PRDM10: variants seen among roughly 807,000 people sequenced by gnomAD.
PRDM10 encodes PR/SET domain 10.
Under a neutral mutation model 133.1 loss-of-function variants are expected in PRDM10, and 65 were observed. The ratio of observed to expected loss-of-function variants is 0.49; its 90% CI spans 0.40 to 0.60. The LOEUF (loss-of-function observed/expected upper bound fraction) is 0.60. Ranked by LOEUF, PRDM10 falls within the 20% of genes least tolerant of loss-of-function variation. The probability of loss-of-function intolerance (pLI) is 0.00; values close to 1 mark genes in which losing one functional copy is unlikely to be tolerated. For missense variants in PRDM10, 1,137 were observed against 1,507.1 expected (o/e 0.75, Z 4.07); for synonymous variants, 582 against 580.4 (o/e 1.00, Z -0.04).
rs781700899 is a variant in PRDM10 at position 129,918,630 on chromosome 11, G to A, written c.2123C>T (p.Thr708Met). 3 of 1,614,086 alleles carry A rather than the reference G, an allele frequency of 1.9e-6. No homozygotes were observed. Among genetic ancestry groups the A allele is most frequent in the African/African-American group, 1.3e-5 (1 of 74,940 alleles). ...TGTGGACGTGATGCGGGGCTTGAAC[G>A]TCTTGGAGCGGCTGATGCGGTCGGC... ...KKADRISRSKTFKPRITSTDY... is the reference protein window; with the variant it reads ...KKADRISRSKMFKPRITSTDY... The change falls in exon 14 of 21, where the codon ACG becomes ATG. Residue 708 changes from threonine (T) to methionine (M), a missense_variant. Thr to Met is a moderately conservative substitution (Grantham distance 81). This residue lies in a region of PRDM10 where 78 missense variants were observed against 96.4 expected (regional missense o/e 0.81). Coordinates refer to ENST00000360871, the MANE Select transcript of PRDM10 (RefSeq NM_199437.2). This position sits in a 1 kb window ranked among gnomAD's most constrained non-coding sequence, Gnocchi z 5.3.
intron 6 of PRDM10, among the ~76,000 whole-genome samples, chr11:129,944,547 T>C (rs376731522): frequency 6.1e-5 from 9 of 148,574 alleles, no homozygotes; most frequent in East Asian, 2.0e-4. Context: ...ATCGCGCCAC[T>C]GCACTCCAGC....
intron 11 of PRDM10, among the ~76,000 whole-genome samples, chr11:129,930,515 G>A (rs1196030160): frequency 4.6e-5 from 7 of 152,134 alleles, no homozygotes; most frequent in African/African-American, 1.7e-4. Flanking sequence ...CAAGCTATCC[G>A]CAGGTGTGTG....
intron 2 of PRDM10, 29 bp downstream of exon 2, chr11:129,960,867 A>G: frequency 1.2e-6 from 2 of 1,613,284 alleles, no homozygotes; most frequent in Admixed American, 1.7e-5. Context: ...AAACCTCTCA[A>G]TACCAAGCTG....
chr11:129,902,185 G>A lies in PRDM10; in HGVS notation c.*128C>T. The A allele has an allele frequency of 9.8e-6, 13 of 1,326,346 alleles. No individual in the cohort carries two copies. Among genetic ancestry groups the A allele is most frequent in the East Asian group, 2.4e-5 (1 of 41,732 alleles). 82.2% of individuals were successfully genotyped at this position (1,326,346 alleles called of 1,614,324 possible). On this transcript the variant is annotated 3_prime_UTR_variant, in exon 21 of 21. Coordinates refer to ENST00000360871, the MANE Select transcript of PRDM10 (RefSeq NM_199437.2). ...AATAAACCCCAGTGTATGGATGAGA[G>A]ACAAAACTGTGGTTTCCGAACTCTT... is the stretch of plus-strand genomic sequence containing the variant.
At chr11:129,954,994 CAGGAAATAAGGAGGAA>C (rs1337453818) in intron 4 of PRDM10, among the ~76,000 whole-genome samples, 2 of 152,132 alleles carry the variant, frequency 1.3e-5, no homozygotes, top group Non-Finnish European at 2.9e-5. Context: ...CACATTCTTG[CAGGAAATAAGGAGGAA>C]GTCATCAAAG....
intron 1 of PRDM10, among the ~76,000 whole-genome samples, chr11:129,967,156 C>A (rs867695206): frequency 6.6e-6 from 1 of 152,042 alleles, no homozygotes; most frequent in Non-Finnish European, 1.5e-5. Context: ...TTTGGGAGGC[C>A]GAGGTGGGTG....
intron 1 of PRDM10, among the ~76,000 whole-genome samples, chr11:129,961,931 C>A (rs1951804439): frequency 6.6e-6 from 1 of 152,056 alleles, no homozygotes; most frequent in African/African-American, 2.4e-5. Flanking sequence ...TTCTCAGATG[C>A]CAAATGCAGG....
chr11:129,908,196 C>A (rs1950074412), intron 19 of PRDM10, among the ~76,000 whole-genome samples: 1 of 150,962 alleles, frequency 6.6e-6, no homozygotes, highest in South Asian at 2.1e-4. Context: ...TTTCAGCTGA[C>A]CATGGTGGCT....
chr11:129,974,004 A>G (rs1460626518), intron 1 of PRDM10, among the ~76,000 whole-genome samples: 1 of 152,196 alleles, frequency 6.6e-6, no homozygotes, highest in Non-Finnish European at 1.5e-5. Context: ...TGGAGGGGCC[A>G]GGCACCCACT....
At chr11:129,937,791 GA>G (rs1035645432) in intron 7 of PRDM10, 121 bp from the exon 8 acceptor site, 12 of 791,214 alleles carry the variant, frequency 1.5e-5, no homozygotes, top group Non-Finnish European at 1.9e-5. Context: ...ATTAACAATG[GA>G]AAAAAAGATC....
chr11:129,916,186 C>T, intron 15 of PRDM10, among the ~76,000 whole-genome samples: 1 of 152,194 alleles, frequency 6.6e-6, no homozygotes. Context: ...TAAGGCCCAT[C>T]CACCTCATAT....
At chr11:129,983,803 TC>T (rs1174590848) in intron 1 of PRDM10, among the ~76,000 whole-genome samples, 2 of 152,104 alleles carry the variant, frequency 1.3e-5, no homozygotes, top group Admixed American at 6.5e-5. Flanking sequence ...AACATACTCC[TC>T]AAGGTAGCCT....
chr11:129,981,821 G>C (rs140323272), intron 1 of PRDM10, among the ~76,000 whole-genome samples: 2,550 of 152,072 alleles, frequency 0.017, 64 homozygotes, highest in African/African-American at 0.057. Context: ...GCTTGAACCT[G>C]GGAGGTGAAG....
intron 1 of PRDM10, among the ~76,000 whole-genome samples, chr11:129,973,269 T>G (rs1234636592): frequency 6.6e-6 from 1 of 152,206 alleles, no homozygotes; most frequent in Non-Finnish European, 1.5e-5. Flanking sequence ...GCAATGTCTG[T>G]TAACAGTTCT....
At chr11:129,970,697 A>G (rs1952001719) in intron 1 of PRDM10, among the ~76,000 whole-genome samples, 1 of 151,998 alleles carries the variant, frequency 6.6e-6, no homozygotes, top group Non-Finnish European at 1.5e-5. Flanking sequence ...GGTGTCCACC[A>G]CCATGCCTGG....
At chr11:129,971,425 G>C (rs536011138) in intron 1 of PRDM10, among the ~76,000 whole-genome samples, 1 of 152,276 alleles carries the variant, frequency 6.6e-6, no homozygotes, top group African/African-American at 2.4e-5. Context: ...AGATTAGTTA[G>C]ATACAGAGTG....
Position 129,912,131 on chromosome 11 carries a change from T to C in PRDM10, c.2936A>G (p.His979Arg). The change falls in exon 18 of 21, where the codon CAC (histidine) becomes CGC (arginine). Residue 979 changes from histidine to arginine, a missense_variant. His to Arg is a conservative substitution (Grantham distance 29). Around this residue, in one of 6 missense-constraint regions of PRDM10, gnomAD observed 243 missense variants for 259.2 expected, o/e 0.94. Coordinates refer to ENST00000360871, the MANE Select transcript of PRDM10 (RefSeq NM_199437.2). ...PYPQHAIQVQ[H>R]IQVSEPTASA... Reference sequence around the variant, plus strand: ...GGCGGTAGGCTCGCTGACCTGGATGTGCTGCACCTGGATGGCGTGCTGGGG... The same window carrying C: ...GGCGGTAGGCTCGCTGACCTGGATGCGCTGCACCTGGATGGCGTGCTGGGG... 1.2e-6 allele frequency: 2 copies of C among 1,613,262 alleles called. No individual in the cohort carries two copies. The highest frequency in any genetic ancestry group is 8.5e-7 in the Non-Finnish European group (1 of 1,179,678).
At position 129,918,678 on chromosome 11, in the gene PRDM10, T is replaced by C. The variant is rs1950433146; in HGVS notation, c.2075A>G (p.Asn692Ser). ...KLREHMQRMH[N>S]PEREAKKADR... ...GGCTTTCTTGGCCTCCCTCTCAGGA[T>C]TATGCATCCTCTGCATGTGTTCCCG... Residue 692 changes from asparagine (N) to serine (S), a missense_variant, in exon 14 of 21, where the codon AAT becomes AGT. This residue lies in a region of PRDM10 where 78 missense variants were observed against 96.4 expected (regional missense o/e 0.81). Coordinates refer to ENST00000360871, the MANE Select transcript of PRDM10 (RefSeq NM_199437.2). The surrounding 1 kb of genome is among the most constrained non-coding windows in gnomAD (Gnocchi z 5.3). The C allele has an allele frequency of 6.2e-7, 1 of 1,613,974 alleles. No homozygotes were observed.
chr11:129,990,545 A>T (rs1314080838), intron 1 of PRDM10, among the ~76,000 whole-genome samples: 1 of 148,814 alleles, frequency 6.7e-6, no homozygotes, highest in East Asian at 2.0e-4. Flanking sequence ...AAAAAAAAAA[A>T]GCAAATTGAT....
Sources: allele counts gnomAD v4.1 joint callset (sites outside exome capture counted in the v4.1 genomes callset), GRCh38; gene constraint gnomAD v4.1.1; regional missense constraint gnomAD v4.1.1; non-coding constraint Gnocchi (gnomAD v3.1); transcripts MANE v1.5; gene names NCBI Gene and HGNC (gene_info 2026-07-23, HGNC 2026-07-21).